CAMK1D: variants seen among roughly 807,000 people sequenced by gnomAD.
CAMK1D encodes calcium/calmodulin dependent protein kinase ID.
A neutral mutation model predicts 47.7 loss-of-function variants in CAMK1D; 9 were observed. The ratio of observed to expected loss-of-function variants is 0.19; its 90% CI spans 0.11 to 0.33. The LOEUF (loss-of-function observed/expected upper bound fraction) is 0.33, where lower values mean the gene tolerates loss of function less well. Ranked by LOEUF, CAMK1D falls within the 10% of genes least tolerant of loss-of-function variation. The pLI, the probability that CAMK1D is intolerant of heterozygous loss-of-function variation, is 1.00. For missense variants in CAMK1D, 291 were observed against 488.7 expected, an observed-to-expected ratio of 0.60 and a Z score of 3.81; for synonymous variants, 184 against 184.9, an observed-to-expected ratio of 0.99 and a Z score of 0.04.
intron 2 of CAMK1D, among the ~76,000 whole-genome samples, chr10:12,618,072 G>A (rs34535963): frequency 0.49 from 4,593 of 9,428 alleles, 98 homozygotes; most frequent in South Asian, 0.52. Flanking sequence ...ATTTGTTTTG[G>A]ATCTAGTATT....
At chr10:12,764,397 A>AAAAAAAAC (rs1836653678) in intron 4 of CAMK1D, among the ~76,000 whole-genome samples, 1 of 149,348 alleles carries the variant, frequency 6.7e-6, no homozygotes, top group Admixed American at 6.7e-5. Context: ...AAAAAAAAAA[A>AAAAAAAAC]ACATTGATCT....
chr10:12,520,828 C>G lies in CAMK1D; in HGVS notation c.93-32397C>G, dbSNP rs2132189566. Among the ~76,000 whole-genome samples the G allele has an allele frequency of 3.9e-5, 2 of 51,060 alleles. 1 individual carries two copies. The highest frequency in any genetic ancestry group is 2.3e-3 in the South Asian group (2 of 866). The allele number at this position is 51,060 out of a possible 152,430, so 33.5% of individuals were successfully genotyped here. A position where few individuals can be genotyped will look rare whatever the true frequency, so the allele number is the denominator to read the frequency against. On this transcript the variant is annotated intron_variant, in intron 1 of 10. Transcript: ENST00000619168. Reference sequence around the variant, plus strand: ...CCTGCAATCGCAGGCACTCGGCAGGCTGAGGCAGGAGAATCAGGCAGGGAG... The same window carrying G: ...CCTGCAATCGCAGGCACTCGGCAGGGTGAGGCAGGAGAATCAGGCAGGGAG...
chr10:12,664,989 A>C (rs749091475), intron 2 of CAMK1D, among the ~76,000 whole-genome samples: 5 of 152,236 alleles, frequency 3.3e-5, no homozygotes, highest in African/African-American at 4.8e-5. Context: ...TTGTGGGCAT[A>C]TTCTTTTAGG....
intron 1 of CAMK1D, among the ~76,000 whole-genome samples, chr10:12,522,514 G>T (rs945925839): frequency 3.3e-5 from 5 of 151,654 alleles, no homozygotes; most frequent in African/African-American, 9.7e-5. Flanking sequence ...AGGGTTGGGG[G>T]CAAGGTCATA....
Position 12,828,870 on chromosome 10 carries a change from C to G in CAMK1D, c.1141C>G (p.His381Asp). Residue 381 changes from histidine (H) to aspartate (D), a missense_variant, in exon 11 of 11, where the codon CAC (histidine) becomes GAC (aspartate). Around this residue, in one of 2 missense-constraint regions of CAMK1D, gnomAD observed 72 missense variants for 64.4 expected, o/e 1.12. Transcript: ENST00000619168. The part of the protein sequence containing the change: ...RPRPTTVTAV[H>D]SGSK ...CAGGCCCACCACTGTGACGGCAGTG[C>G]ACTCTGGAAGCAAGTGACTGGCCCT... 1 of 1,612,340 alleles carries G rather than the reference C, an allele frequency of 6.2e-7. No individual in the cohort carries two copies. Among genetic ancestry groups the G allele is most frequent in the South Asian group, 1.1e-5 (1 of 90,898 alleles).
At chr10:12,644,510 G>A (rs1038569522) in intron 2 of CAMK1D, among the ~76,000 whole-genome samples, 3 of 152,134 alleles carry the variant, frequency 2.0e-5, no homozygotes, top group Non-Finnish European at 4.4e-5. Context: ...TCTTCTCAGA[G>A]GTTGGCTCTT....
chr10:12,640,846 C>G (rs10450540), intron 2 of CAMK1D, among the ~76,000 whole-genome samples: 43,331 of 152,178 alleles, frequency 0.28, 6,475 homozygotes, highest in African/African-American at 0.3. Context: ...ACAGGAAAAA[C>G]ATTGGGAATC....
At chr10:12,735,338 C>T (rs1385751070) in intron 3 of CAMK1D, among the ~76,000 whole-genome samples, 2 of 152,036 alleles carry the variant, frequency 1.3e-5, no homozygotes, top group African/African-American at 4.8e-5. Context: ...ATTAGCCGGG[C>T]GTGGTGGCGG....
In CAMK1D at chr10:12,765,080, G is replaced by A. The variant is rs144202584; in HGVS notation, c.438+3994G>A. Among the ~76,000 whole-genome samples the A allele has an allele frequency of 4.6e-3, 704 of 152,204 alleles. 6 individuals carry two copies. The highest frequency in any genetic ancestry group is 0.016 in the African/African-American group (651 of 41,548). On this transcript the variant is annotated intron_variant, in intron 4 of 10. Transcript: ENST00000619168. ...ACTATACTCTAGCCTGGGTGACAGA[G>A]AGAGACTCCATCTCAAAAAAAAACC...
At chr10:12,600,855 C>T (rs1364926547) in intron 2 of CAMK1D, among the ~76,000 whole-genome samples, 1 of 152,250 alleles carries the variant, frequency 6.6e-6, no homozygotes, top group Non-Finnish European at 1.5e-5. Context: ...TTAGCTCCCA[C>T]TTGTGGGTGA....
chr10:12,353,304 C>T (rs531551962), intron 1 of CAMK1D, among the ~76,000 whole-genome samples: 27 of 152,230 alleles, frequency 1.8e-4, no homozygotes, highest in African/African-American at 5.5e-4. Context: ...CTTTAAGATA[C>T]GAAGGCAGGA....
At chr10:12,719,374 C>T (rs912575546) in intron 3 of CAMK1D, among the ~76,000 whole-genome samples, 36 of 151,542 alleles carry the variant, frequency 2.4e-4, no homozygotes, top group Admixed American at 1.3e-4. Context: ...ACCAACTGCA[C>T]TCCAGCCTGG....
chr10:12,383,211 C>G (rs1838391581), intron 1 of CAMK1D, among the ~76,000 whole-genome samples: 2 of 151,882 alleles, frequency 1.3e-5, no homozygotes, highest in Admixed American at 6.6e-5. Context: ...TCAAATCCCT[C>G]TTTGTTTTAG....
chr10:12,725,494 A>G (rs1395727744), intron 3 of CAMK1D: 1 of 154,298 alleles, frequency 6.5e-6, no homozygotes, highest in East Asian at 1.9e-4. Flanking sequence ...ATATGAATCC[A>G]AACATGATTT....
At chr10:12,514,444 A>G (rs1292133002) in intron 1 of CAMK1D, among the ~76,000 whole-genome samples, 1 of 152,250 alleles carries the variant, frequency 6.6e-6, no homozygotes, top group African/African-American at 2.4e-5. Context: ...GTTCTAGCCT[A>G]GATGCTACAC....
chr10:12,597,514 G>T (rs1838178751), intron 2 of CAMK1D, among the ~76,000 whole-genome samples: 1 of 152,140 alleles, frequency 6.6e-6, no homozygotes, highest in Non-Finnish European at 1.5e-5. Context: ...CATGGTAGGG[G>T]CTCTGGGGCC....
At chr10:12,519,116 GC>G (rs1405830920) in intron 1 of CAMK1D, among the ~76,000 whole-genome samples, 2 of 92,286 alleles carry the variant, frequency 2.2e-5, no homozygotes, top group Non-Finnish European at 4.6e-5. Context: ...CGGGCGGGGG[GC>G]TGACCCCCCC....
intron 2 of CAMK1D, among the ~76,000 whole-genome samples, chr10:12,615,598 GTT>G (rs1838766166): frequency 1.3e-5 from 2 of 148,338 alleles, no homozygotes; most frequent in Non-Finnish European, 3.0e-5. Context: ...TGTGTATTGT[GTT>G]TGCAAGTATG....
At chr10:12,547,958 G>A (rs910254670) in intron 1 of CAMK1D, among the ~76,000 whole-genome samples, 47 of 152,280 alleles carry the variant, frequency 3.1e-4, no homozygotes, top group African/African-American at 9.4e-4. Context: ...GGCTCGGAGC[G>A]ATGGCAGCTC....
Sources: gnomAD v4.1 joint callset for allele counts (sites outside exome capture counted in the v4.1 genomes callset) on GRCh38, gnomAD v4.1.1 for gene constraint, gnomAD v4.1.1 regional missense constraint, MANE v1.5 for transcripts, NCBI Gene and HGNC (gene_info 2026-07-23, HGNC 2026-07-21) for gene names.